Variants in SLC25A21 observed in about 807,000 individuals in gnomAD.
SLC25A21 encodes the protein mitochondrial 2-oxodicarboxylate carrier.
Under a neutral mutation model 43.8 loss-of-function variants are expected in SLC25A21, and 47 were observed. The observed-to-expected ratio is 1.07, with a 90% CI of 0.85 to 1.37. The LOEUF (loss-of-function observed/expected upper bound fraction) is 1.37, where lower values mean the gene tolerates loss of function less well. Among genes scored for constraint, SLC25A21 ranks in the 40% most tolerant of loss-of-function variants. SLC25A21 has a pLI of 0.00. For missense variants in SLC25A21, 352 were observed against 350.2 expected, an observed-to-expected ratio of 1.00 and a Z score of -0.04; for synonymous variants, 131 against 121.3, an observed-to-expected ratio of 1.08 and a Z score of -0.52.
intron 1 of SLC25A21, among the ~76,000 whole-genome samples, chr14:36,925,122 C>A (rs753294877): frequency 6.6e-6 from 1 of 151,920 alleles, no homozygotes; most frequent in Non-Finnish European, 1.5e-5. Context: ...GATATTAAAA[C>A]GCAATAGTAA....
intron 1 of SLC25A21, among the ~76,000 whole-genome samples, chr14:37,011,154 G>A (rs755462715): frequency 3.3e-5 from 5 of 152,072 alleles, no homozygotes; most frequent in Admixed American, 6.5e-5. Flanking sequence ...CCCAAACTGC[G>A]GGGCTTACAG....
chr14:37,093,667 C>T (rs1472057394), intron 1 of SLC25A21, among the ~76,000 whole-genome samples: 2 of 152,024 alleles, frequency 1.3e-5, no homozygotes, highest in Non-Finnish European at 2.9e-5. Flanking sequence ...TCCACACCTA[C>T]TTTTGGGGGA....
At chr14:37,096,868 G>A (rs368130429) in intron 1 of SLC25A21, among the ~76,000 whole-genome samples, 26 of 152,104 alleles carry the variant, frequency 1.7e-4, no homozygotes, top group South Asian at 1.5e-3. Context: ...TTGGTCAGTC[G>A]TAGCTTATTT....
rs72667379 is a variant in SLC25A21, at chr14:37,021,672, A to G, written c.71-146668T>C. Among the ~76,000 whole-genome samples, 1,150 of 152,016 alleles carry G rather than the reference A, an allele frequency of 7.6e-3. 15 individuals carry two copies. Among genetic ancestry groups the G allele is most frequent in the Non-Finnish European group, 0.012 (846 of 67,892 alleles). ...CTTGAGTTAGGTTGGTTCAACTTGT[A>G]AACTGGTCTGAAAGTTGGGGGCAGG... On this transcript the variant is annotated intron_variant, in intron 1 of 9. Transcript: ENST00000331299.
At chr14:37,021,551 T>C (rs1010859383) in intron 1 of SLC25A21, among the ~76,000 whole-genome samples, 1 of 151,966 alleles carries the variant, frequency 6.6e-6, no homozygotes, top group African/African-American at 2.4e-5. Context: ...AATGTCTCTC[T>C]TGGGAGCAAA....
At chr14:36,764,075 AGAAAGAAG>A (rs1390268510) in intron 3 of SLC25A21, among the ~76,000 whole-genome samples, 1 of 28,664 alleles carries the variant, frequency 3.5e-5, no homozygotes, top group Non-Finnish European at 5.4e-5. Flanking sequence ...AAAGAAAGAA[AGAAAGAAG>A]GAAGGAAGGA....
At chr14:36,765,699 A>G (rs571859019) in intron 3 of SLC25A21, among the ~76,000 whole-genome samples, 1 of 152,296 alleles carries the variant, frequency 6.6e-6, no homozygotes, top group Admixed American at 6.5e-5. Flanking sequence ...TTCCTCTGCT[A>G]CCCTCAACGT....
chr14:37,111,878 A>C (rs892785522), intron 1 of SLC25A21, among the ~76,000 whole-genome samples: 4 of 152,210 alleles, frequency 2.6e-5, no homozygotes, highest in African/African-American at 9.6e-5. Context: ...AGACTTTTCT[A>C]ATGGAAAACT....
intron 3 of SLC25A21, among the ~76,000 whole-genome samples, chr14:36,764,079 A>AGAAAGAAAGAAAGAAAGAAAGAAG (rs1555326615): frequency 7.2e-5 from 3 of 41,870 alleles, no homozygotes; most frequent in East Asian, 2.6e-3. Context: ...AAAGAAAGAA[A>AGAAAGAAAGAAAGAAAGAAAGAAG]GAAGGAAGGA....
intron 3 of SLC25A21, among the ~76,000 whole-genome samples, chr14:36,757,302 C>G (rs1885973063): frequency 6.6e-6 from 1 of 151,790 alleles, no homozygotes. Flanking sequence ...AAAAAAGTAC[C>G]CAAATACATA....
intron 1 of SLC25A21, among the ~76,000 whole-genome samples, chr14:37,056,750 ATTT>A (rs767934303): frequency 1.0e-3 from 158 of 152,242 alleles, no homozygotes; most frequent in Non-Finnish European, 1.6e-3. Flanking sequence ...CTGAAAGATA[ATTT>A]ATTTTTACAT....
At chr14:36,769,516 T>TCCTAAAAATC (rs969973880) in intron 3 of SLC25A21, among the ~76,000 whole-genome samples, 1 of 152,170 alleles carries the variant, frequency 6.6e-6, no homozygotes, top group Non-Finnish European at 1.5e-5. Flanking sequence ...AAAGCTAAAT[T>TCCTAAAAATC]CCTAAAAATC....
chr14:36,836,460 A>T (rs2138489864), intron 2 of SLC25A21, among the ~76,000 whole-genome samples: 1 of 152,354 alleles, frequency 6.6e-6, no homozygotes, highest in East Asian at 1.9e-4. Context: ...AGCCTTTAGA[A>T]TTGAGCCCAT....
chr14:36,744,562 T>C (rs1379736903), intron 3 of SLC25A21, among the ~76,000 whole-genome samples: 2 of 112,394 alleles, frequency 1.8e-5, no homozygotes, highest in Non-Finnish European at 3.7e-5. Flanking sequence ...GACTTAAATA[T>C]AAGACTTGAA....
chr14:36,974,362 T>A (rs968801080), intron 1 of SLC25A21, among the ~76,000 whole-genome samples: 3 of 152,192 alleles, frequency 2.0e-5, no homozygotes, highest in Non-Finnish European at 4.4e-5. Flanking sequence ...CTGATATAAT[T>A]CTGAAAGGGT....
At chr14:36,741,181 G>C (rs926925817) in intron 3 of SLC25A21, among the ~76,000 whole-genome samples, 1 of 151,994 alleles carries the variant, frequency 6.6e-6, no homozygotes, top group Non-Finnish European at 1.5e-5. Flanking sequence ...TATGTGTTTG[G>C]GAATCATTTG....
intron 1 of SLC25A21, among the ~76,000 whole-genome samples, chr14:37,144,920 G>GGGT (rs146376904): frequency 1.7e-5 from 2 of 115,996 alleles, no homozygotes; most frequent in African/African-American, 3.1e-5. Context: ...CGCCCAGCCT[G>GGGT]GGTGGTTGTT....
intron 1 of SLC25A21, among the ~76,000 whole-genome samples, chr14:36,970,468 T>C (rs1959724866): frequency 6.6e-6 from 1 of 152,252 alleles, no homozygotes; most frequent in South Asian, 2.1e-4. Context: ...ATTAATTTTA[T>C]ATTTTAATTA....
At chr14:37,123,075 G>A (rs145063724) in intron 1 of SLC25A21, among the ~76,000 whole-genome samples, 24 of 152,252 alleles carry the variant, frequency 1.6e-4, no homozygotes, top group African/African-American at 5.1e-4. Flanking sequence ...TTAATATTAC[G>A]AATGAGAAGA....
Sources: allele counts gnomAD v4.1 joint callset (sites outside exome capture counted in the v4.1 genomes callset), GRCh38; gene constraint gnomAD v4.1.1; transcripts MANE v1.5; gene names NCBI Gene and HGNC (gene_info 2026-07-23, HGNC 2026-07-21).